The following ITPR2 variants were observed in gnomAD, a reference collection of about 807,000 sequenced individuals.
ITPR2 encodes inositol 1,4,5-trisphosphate receptor type 2, also known as inositol 1,4,5-trisphosphate-gated calcium channel ITPR2.
In ITPR2, 207 loss-of-function variants were observed where a neutral mutation model predicts 317.1. That is an observed-to-expected ratio of 0.65 (90% CI 0.58 to 0.73). The LOEUF (loss-of-function observed/expected upper bound fraction) is 0.73. Among genes scored for constraint, ITPR2 ranks in the 30% least tolerant of loss-of-function variants. The probability of loss-of-function intolerance (pLI) is 0.00; values close to 1 mark genes in which losing one functional copy is unlikely to be tolerated. For synonymous variants in ITPR2, 1,156 were observed against 1,149.1 expected, an observed-to-expected ratio of 1.01 and a Z score of -0.12; for missense variants, 2,613 against 3,284.0, an observed-to-expected ratio of 0.80 and a Z score of 4.99.
At chr12:26,565,144 A>G (rs895773380) in intron 34 of ITPR2, among the ~76,000 whole-genome samples, 1 of 152,208 alleles carries the variant, frequency 6.6e-6, no homozygotes, top group African/African-American at 2.4e-5. Context: ...AAATTCTTCA[A>G]TGAACCCCCT....
intron 39 of ITPR2, among the ~76,000 whole-genome samples, chr12:26,492,014 G>A (rs148037436): frequency 6.6e-6 from 1 of 152,144 alleles, no homozygotes. Context: ...AGGTCAGGGT[G>A]GGGAACACAC....
At chr12:26,702,432 T>TTTTTTTTTTTTTC (rs1565704198) in intron 9 of ITPR2, among the ~76,000 whole-genome samples, 2 of 63,390 alleles carry the variant, frequency 3.2e-5, no homozygotes, top group Non-Finnish European at 4.3e-5. Context: ...TTTTTTTTTC[T>TTTTTTTTTTTTTC]TTTTTTTTTT....
chr12:26,508,433 T>C lies in ITPR2; in HGVS notation c.5074-13173A>G, dbSNP rs532538928. Among the ~76,000 whole-genome samples, 94 of 152,302 alleles carry C rather than the reference T, an allele frequency of 6.2e-4. 1 individual carries two copies. The highest frequency in any genetic ancestry group is 2.2e-3 in the African/African-American group (92 of 41,570). On this transcript the variant is annotated intron_variant, in intron 37 of 56. Transcript: ENST00000381340. ...CTTTGCAATCGAACAGTTATTTCAGTGTTTTCCCTTTTTCATGATACATTT... is the reference window on the plus strand; with the variant it reads ...CTTTGCAATCGAACAGTTATTTCAGCGTTTTCCCTTTTTCATGATACATTT...
At chr12:26,663,972 A>T (rs1947562591) in intron 14 of ITPR2, 126 bp from the exon 15 acceptor site, 3 of 876,652 alleles carry the variant, frequency 3.4e-6, no homozygotes. Context: ...GTAAACGGGA[A>T]AAACAAAAGG....
chr12:26,789,348 T>G (rs1478711217), intron 2 of ITPR2, among the ~76,000 whole-genome samples: 1 of 152,222 alleles, frequency 6.6e-6, no homozygotes, highest in Non-Finnish European at 1.5e-5. Context: ...ACTGTCTCCC[T>G]TTTCCATTGC....
chr12:26,462,324 A>C (rs1391011551), intron 45 of ITPR2, among the ~76,000 whole-genome samples: 1 of 151,916 alleles, frequency 6.6e-6, no homozygotes, highest in Non-Finnish European at 1.5e-5. Flanking sequence ...GTGCCACCAC[A>C]CCAAACTAAT....
At chr12:26,661,673 C>A (rs1172705168) in intron 15 of ITPR2, among the ~76,000 whole-genome samples, 7 of 152,240 alleles carry the variant, frequency 4.6e-5, no homozygotes, top group African/African-American at 9.6e-5. Flanking sequence ...CTCTATAATA[C>A]AGCACTGCTC....
chr12:26,596,853 T>C (rs1485782942), intron 31 of ITPR2, 30 bp downstream of exon 31: 5 of 1,509,410 alleles, frequency 3.3e-6, no homozygotes, highest in South Asian at 2.7e-5. Context: ...AATGATTCTA[T>C]TAGAGCTGCT....
intron 14 of ITPR2, 51 bp from the exon 15 acceptor site, chr12:26,663,897 A>C: frequency 6.9e-7 from 1 of 1,458,836 alleles, no homozygotes; most frequent in Non-Finnish European, 9.2e-7. Flanking sequence ...ATGTTTTGCA[A>C]CCTTTTTTTT....
rs1555183863 is a variant in ITPR2 at position 26,733,325 on chromosome 12, AAAAAGAAAAG to A, written c.164-7570_164-7561del. On this transcript the variant is annotated intron_variant, in intron 2 of 56. Coordinates refer to ENST00000381340, the MANE Select transcript of ITPR2 (RefSeq NM_002223.4). The stretch of plus-strand genomic sequence containing the variant: ...CAAGACTCCATCTCAAAAAAAAAAA[AAAAAGAAAAG>A]AAAAGAAAAGAAAAAAGAAAACCAC... Among the ~76,000 whole-genome samples the A allele has an allele frequency of 1.2e-3, 135 of 108,520 alleles. 3 individuals carry two copies. Among genetic ancestry groups the A allele is most frequent in the East Asian group, 8.0e-3 (41 of 5,144 alleles). 71.2% of individuals were successfully genotyped at this position (108,520 alleles called of 152,430 possible).
chr12:26,641,653 G>A (rs1946991401), intron 21 of ITPR2, among the ~76,000 whole-genome samples: 1 of 152,168 alleles, frequency 6.6e-6, no homozygotes, highest in South Asian at 2.1e-4. Flanking sequence ...ACCTAGAGGT[G>A]TGCTAGGTAT....
chr12:26,398,220 C>T (rs1172983541), intron 54 of ITPR2, among the ~76,000 whole-genome samples: 3 of 151,980 alleles, frequency 2.0e-5, no homozygotes, highest in Non-Finnish European at 2.9e-5. Flanking sequence ...GTCAGGAGTT[C>T]GAGACCAGCC....
intron 53 of ITPR2, among the ~76,000 whole-genome samples, chr12:26,399,610 G>A (rs541851123): frequency 6.6e-4 from 101 of 152,316 alleles, no homozygotes; most frequent in Admixed American, 1.8e-3. Context: ...ACAACTGGCC[G>A]GAGCAGAGCT....
intron 21 of ITPR2, among the ~76,000 whole-genome samples, chr12:26,652,021 CT>C (rs1947267757): frequency 6.6e-6 from 1 of 152,192 alleles, no homozygotes; most frequent in Admixed American, 6.5e-5. Context: ...AAGTCCCTTC[CT>C]TTTAAGTTGG....
chr12:26,530,991 A>G (rs539484923), intron 37 of ITPR2, among the ~76,000 whole-genome samples: 14 of 152,320 alleles, frequency 9.2e-5, no homozygotes, highest in Admixed American at 7.2e-4. Flanking sequence ...CTGAACTATC[A>G]ATATTTTTAG....
intron 37 of ITPR2, among the ~76,000 whole-genome samples, chr12:26,501,029 C>T (rs1030369921): frequency 2.0e-5 from 3 of 152,030 alleles, no homozygotes; most frequent in Non-Finnish European, 4.4e-5. Flanking sequence ...AACCAGCATC[C>T]TAGAAAACTA....
At position 26,411,292 on chromosome 12, in the gene ITPR2, A is replaced by G. The variant is rs777509231; in HGVS notation, c.7399+28T>C. ...ATAAAACTTCAAAGATATCAAGTTC[A>G]TACTGACCCAGAGTCCTTTCTACAA... On this transcript the variant is annotated intron_variant, in intron 52 of 56. Coordinates refer to ENST00000381340, the MANE Select transcript of ITPR2 (RefSeq NM_002223.4). 15 of 1,482,160 alleles carry G rather than the reference A, an allele frequency of 1.0e-5. 1 individual carries two copies. In the Admixed American group the frequency reaches 1.2e-4, roughly 12 times the overall value. 91.8% of individuals were successfully genotyped at this position (1,482,160 alleles called of 1,614,324 possible).
intron 2 of ITPR2, among the ~76,000 whole-genome samples, chr12:26,784,004 G>A (rs957631527): frequency 4.4e-5 from 5 of 112,692 alleles, no homozygotes; most frequent in Admixed American, 4.3e-4. Context: ...GGAAAAGCTG[G>A]TGAAATATGA....
intron 37 of ITPR2, among the ~76,000 whole-genome samples, chr12:26,536,488 G>C (rs193133631): frequency 6.6e-6 from 1 of 152,338 alleles, no homozygotes; most frequent in East Asian, 1.9e-4. Context: ...AATTTGAGGG[G>C]TCAGTGGTTT....
Sources: gnomAD v4.1 joint callset for allele counts (sites outside exome capture counted in the v4.1 genomes callset) on GRCh38, gnomAD v4.1.1 for gene constraint, MANE v1.5 for transcripts, NCBI Gene and HGNC (gene_info 2026-07-23, HGNC 2026-07-21) for gene names.